Variants in NECTIN3 observed in about 807,000 individuals in gnomAD.
NECTIN3 encodes the protein nectin cell adhesion molecule 3, also known as nectin-3.
Under a neutral mutation model 49.4 loss-of-function variants are expected in NECTIN3, and 8 were observed. The ratio of observed to expected loss-of-function variants is 0.16; its 90% confidence interval spans 0.10 to 0.29. The LOEUF (loss-of-function observed/expected upper bound fraction) is 0.29. Among genes scored for constraint, NECTIN3 ranks in the 10% least tolerant of loss-of-function variants. The pLI is 1.00. For synonymous variants in NECTIN3, 277 were observed against 241.1 expected (o/e 1.15, Z -1.38); for missense variants, 581 against 654.6 (o/e 0.89, Z 1.23).
intron 2 of NECTIN3, among the ~76,000 whole-genome samples, chr3:111,116,339 T>G (rs1274129649): frequency 6.6e-6 from 1 of 152,136 alleles, no homozygotes; most frequent in Non-Finnish European, 1.5e-5. Context: ...TTGACTATTT[T>G]TTAGTTTCTC....
chr3:111,140,450 A>C (rs537805473), downstream of NECTIN3, among the ~76,000 whole-genome samples: 2 of 151,806 alleles, frequency 1.3e-5, no homozygotes, highest in East Asian at 3.9e-4. Context: ...GTGTATTAAG[A>C]GTAAGATATT....
chr3:111,146,069 T>A (rs1305557586), intron 6 of NECTIN3, among the ~76,000 whole-genome samples: 1 of 152,226 alleles, frequency 6.6e-6, no homozygotes, highest in African/African-American at 2.4e-5. Context: ...AAAAAACAAT[T>A]ATTTTAAATA....
intron 1 of NECTIN3, among the ~76,000 whole-genome samples, chr3:111,084,283 G>A (rs1472083413): frequency 2.0e-5 from 3 of 152,186 alleles, no homozygotes; most frequent in African/African-American, 4.8e-5. Flanking sequence ...GATAGAACCT[G>A]TGGTGAAAAA....
chr3:111,072,000 C>T lies in NECTIN3; in HGVS notation c.-18C>T, dbSNP rs1170698808. On this transcript the variant is annotated 5_prime_UTR_variant, in exon 1 of 6. Transcript: ENST00000485303. ...GCCGGGGGGCGGGCGGGCGAGCGGGCCGGGGGGAGGGTGGGGGATGGCGCG... is the reference window on the plus strand; with the variant it reads ...GCCGGGGGGCGGGCGGGCGAGCGGGTCGGGGGGAGGGTGGGGGATGGCGCG... 23 of 1,461,624 alleles carry T rather than the reference C, an allele frequency of 1.6e-5. No individual in the cohort carries two copies. The Admixed American group carries it at 3.6e-4, about 23-fold the overall frequency. The allele number at this position is 1,461,624 out of a possible 1,614,324, so 90.5% of individuals were successfully genotyped here.
At chr3:111,087,042 G>A (rs1229031269) in intron 1 of NECTIN3, among the ~76,000 whole-genome samples, 2 of 151,862 alleles carry the variant, frequency 1.3e-5, no homozygotes, top group Non-Finnish European at 2.9e-5. Flanking sequence ...TTTTCTCATT[G>A]TTTGTGGCAT....
intron 1 of NECTIN3, among the ~76,000 whole-genome samples, chr3:111,091,407 A>C (rs1242063142): frequency 1.3e-5 from 2 of 151,960 alleles, no homozygotes; most frequent in Non-Finnish European, 2.9e-5. Flanking sequence ...GGCGCCCACT[A>C]TGCCCGGCTA....
chr3:111,168,905 A>G (rs1000411321), intron 7 of NECTIN3, among the ~76,000 whole-genome samples: 3 of 152,116 alleles, frequency 2.0e-5, no homozygotes, highest in East Asian at 3.9e-4. Context: ...TTAAAAATCT[A>G]TATCATTTAG....
chr3:111,183,313 AT>A (rs771872333), intron 7 of NECTIN3, among the ~76,000 whole-genome samples: 2,489 of 136,806 alleles, frequency 0.018, 28 homozygotes, highest in African/African-American at 0.045. Flanking sequence ...CTATTTCACT[AT>A]TTTTTTTTTT....
At chr3:111,107,431 A>G (rs568559700) in intron 1 of NECTIN3, among the ~76,000 whole-genome samples, 117 of 152,260 alleles carry the variant, frequency 7.7e-4, no homozygotes, top group South Asian at 2.3e-3. Flanking sequence ...CAGAGTAGAA[A>G]CAGAGTAGTA....
In NECTIN3 at chr3:111,145,046, C is replaced by T. The variant is rs755663084; in HGVS notation, c.1139+9C>T. The T allele has an allele frequency of 2.6e-6, 4 of 1,534,854 alleles. No individual in the cohort carries two copies. The South Asian group carries it at 3.6e-5, about 14-fold the overall frequency. On this transcript the variant is annotated intron_variant, in intron 6 of 8. Coordinates refer to the NECTIN3 transcript ENST00000493615. ...TCCTATCTTGACAAAGTGTAGGTAA[C>T]TTTTTTGCCTTTGTTCAACTATGAA... is the stretch of plus-strand genomic sequence containing the variant.
chr3:111,191,466 G>C, upstream of NECTIN3, among the ~76,000 whole-genome samples: 1 of 152,070 alleles, frequency 6.6e-6, no homozygotes, highest in Admixed American at 6.6e-5. Context: ...GTTGTGCAAG[G>C]CTTCATGAAA....
At chr3:111,161,120 A>G (rs940065283) in intron 7 of NECTIN3, among the ~76,000 whole-genome samples, 2 of 152,248 alleles carry the variant, frequency 1.3e-5, no homozygotes, top group Non-Finnish European at 1.5e-5. Flanking sequence ...GAGTAAAAGT[A>G]GAGTAGGGAG....
chr3:111,107,563 T>G (rs2033239217), intron 1 of NECTIN3, among the ~76,000 whole-genome samples: 1 of 152,186 alleles, frequency 6.6e-6, no homozygotes, highest in Non-Finnish European at 1.5e-5. Flanking sequence ...TTTGCCTCTT[T>G]ATATTCTAGA....
intron 7 of NECTIN3, among the ~76,000 whole-genome samples, chr3:111,168,083 G>A (rs1374482742): frequency 6.6e-6 from 1 of 152,128 alleles, no homozygotes; most frequent in African/African-American, 2.4e-5. Flanking sequence ...ATCAGTGCTT[G>A]AAAAGTTTAG....
chr3:111,133,679 C>T lies in NECTIN3; in HGVS notation c.1114C>T (p.Pro372Ser). ...CCTTCAGCCTACAATTCAGTGGCAT[C>T]CCTCAACTGCTGACATCGAGGATCT... Reference protein sequence around the residue: ...TTLQPTIQWHPSTADIEDLAT... With the variant: ...TTLQPTIQWHSSTADIEDLAT... Residue 372 changes from proline to serine, a missense_variant, in exon 6 of 6, where the codon CCC becomes TCC. Pro to Ser is a moderately conservative substitution (Grantham distance 74). Transcript: ENST00000485303. 1 of 1,613,798 alleles carries T rather than the reference C, an allele frequency of 6.2e-7. No individual in the cohort carries two copies. Among genetic ancestry groups the T allele is most frequent in the Non-Finnish European group, 8.5e-7 (1 of 1,179,800 alleles).
At chr3:111,149,853 T>C (rs944786685) in intron 7 of NECTIN3, among the ~76,000 whole-genome samples, 1 of 151,970 alleles carries the variant, frequency 6.6e-6, no homozygotes, top group Non-Finnish European at 1.5e-5. Context: ...AAATCTGATA[T>C]GAAATAATTG....
chr3:111,101,443 A>G (rs74860079), intron 1 of NECTIN3, among the ~76,000 whole-genome samples: 2,577 of 152,220 alleles, frequency 0.017, 37 homozygotes, highest in Non-Finnish European at 0.026. Context: ...GCTATTTTCT[A>G]TGCCTGTTAT....
intron 7 of NECTIN3, among the ~76,000 whole-genome samples, chr3:111,177,344 A>T (rs1196075878): frequency 2.0e-5 from 3 of 152,168 alleles, no homozygotes; most frequent in Non-Finnish European, 4.4e-5. Flanking sequence ...AGGAACTTAG[A>T]TGCTAGATTA....
chr3:111,100,037 C>CT (rs142257084), intron 1 of NECTIN3, among the ~76,000 whole-genome samples: 1 of 151,874 alleles, frequency 6.6e-6, no homozygotes, highest in East Asian at 1.9e-4. Flanking sequence ...AAAGTTCTTG[C>CT]TTTTTTTTAT....
Sources: gnomAD v4.1 joint callset for allele counts (sites outside exome capture counted in the v4.1 genomes callset) on GRCh38, gnomAD v4.1.1 for gene constraint, MANE v1.5 for transcripts, NCBI Gene and HGNC (gene_info 2026-07-23, HGNC 2026-07-21) for gene names.